The following FRMD3 variants were observed in gnomAD, a reference collection of about 807,000 sequenced individuals.
FRMD3 encodes FERM domain containing 3, also known as FERM domain-containing protein 3.
A neutral mutation model predicts 70.2 loss-of-function variants in FRMD3; 33 were observed. The ratio of observed to expected loss-of-function variants is 0.47; its 90% CI spans 0.36 to 0.63. The LOEUF (loss-of-function observed/expected upper bound fraction) is 0.63. Ranked by LOEUF, FRMD3 falls within the 20% of genes least tolerant of loss-of-function variation. The pLI, the probability that FRMD3 is intolerant of heterozygous loss-of-function variation, is 0.00. For synonymous variants in FRMD3, 279 were observed against 255.9 expected, an observed-to-expected ratio of 1.09 and a Z score of -0.86; for missense variants, 632 against 711.4, an observed-to-expected ratio of 0.89 and a Z score of 1.27.
chr9:83,291,567 GTCTCTC>G (rs113797673), intron 12 of FRMD3, among the ~76,000 whole-genome samples: 3 of 149,564 alleles, frequency 2.0e-5, no homozygotes, highest in Admixed American at 6.7e-5. Flanking sequence ...AATGCACACA[GTCTCTC>G]TCTCTCTCTC....
At chr9:83,398,061 A>G (rs973136976) in intron 1 of FRMD3, among the ~76,000 whole-genome samples, 1 of 152,198 alleles carries the variant, frequency 6.6e-6, no homozygotes, top group Non-Finnish European at 1.5e-5. Context: ...GCATTTATTA[A>G]TATAAGAAAG....
intron 1 of FRMD3, among the ~76,000 whole-genome samples, chr9:83,443,365 C>T (rs911278366): frequency 6.6e-6 from 1 of 152,288 alleles, no homozygotes; most frequent in Admixed American, 6.5e-5. Flanking sequence ...TGTTCAATTC[C>T]CACCTATGAG....
intron 1 of FRMD3, among the ~76,000 whole-genome samples, chr9:83,460,708 C>A (rs765366385): frequency 1.3e-5 from 2 of 152,176 alleles, no homozygotes; most frequent in African/African-American, 4.8e-5. Flanking sequence ...CAAAAAGGTA[C>A]ATTCAGAAAA....
chr9:83,400,688 T>C (rs1200536776), intron 1 of FRMD3, among the ~76,000 whole-genome samples: 1 of 152,050 alleles, frequency 6.6e-6, no homozygotes, highest in African/African-American at 2.4e-5. Flanking sequence ...AATAGGCAAA[T>C]AGAAAAATGA....
intron 1 of FRMD3, among the ~76,000 whole-genome samples, chr9:83,480,495 GA>G (rs1828541382): frequency 8.7e-6 from 1 of 115,274 alleles, no homozygotes; most frequent in Admixed American, 9.2e-5. Flanking sequence ...GTAAACTAGA[GA>G]TTTTTTTTTT....
chr9:83,503,475 C>G (rs924887600), intron 1 of FRMD3, among the ~76,000 whole-genome samples: 1 of 152,178 alleles, frequency 6.6e-6, no homozygotes, highest in Non-Finnish European at 1.5e-5. Context: ...CTACCACCAA[C>G]CTGAACAACC....
intron 5 of FRMD3, among the ~76,000 whole-genome samples, chr9:83,342,718 AG>A (rs1823810657): frequency 6.8e-6 from 1 of 147,706 alleles, no homozygotes; most frequent in Non-Finnish European, 1.5e-5. Context: ...ATAGATAGAT[AG>A]ATAGATAGAT....
chr9:83,351,989 C>T (rs1373628215), intron 3 of FRMD3, among the ~76,000 whole-genome samples: 2 of 152,136 alleles, frequency 1.3e-5, no homozygotes, highest in African/African-American at 2.4e-5. Flanking sequence ...CCTCACTTAA[C>T]GCTATATCCT....
At chr9:83,459,507 G>A (rs916438717) in intron 1 of FRMD3, among the ~76,000 whole-genome samples, 1 of 152,198 alleles carries the variant, frequency 6.6e-6, no homozygotes. Context: ...CCCCAGGGGC[G>A]TCCCCAAGAC....
the FRMD3 span, among the ~76,000 whole-genome samples, chr9:83,558,896 G>A: frequency 1.3e-5 from 2 of 152,330 alleles, no homozygotes; most frequent in East Asian, 3.9e-4. Context: ...AGAATCAGAA[G>A]TGGAGCCTGG....
Position 83,305,352 on chromosome 9 carries a change from A to G in FRMD3, c.926+4184T>C, listed in dbSNP as rs183135894. On this transcript the variant is annotated intron_variant, in intron 10 of 13. Coordinates refer to ENST00000304195, the MANE Select transcript of FRMD3 (RefSeq NM_174938.6). ...AGTAATACAGCAGCAGCTTCTGCTCATCAATGGTTCATATGCCTGGCAGAA... is the reference window on the plus strand; with the variant it reads ...AGTAATACAGCAGCAGCTTCTGCTCGTCAATGGTTCATATGCCTGGCAGAA... Among the ~76,000 whole-genome samples, 176 of 152,336 alleles carry G rather than the reference A, an allele frequency of 1.2e-3. 1 individual carries two copies. Among genetic ancestry groups the G allele is most frequent in the African/African-American group, 4.0e-3 (167 of 41,582 alleles).
intron 12 of FRMD3, chr9:83,297,457 G>A (rs1311204625): frequency 4.5e-6 from 1 of 220,526 alleles, no homozygotes; most frequent in Non-Finnish European, 9.3e-6. Context: ...TAACTTGTGT[G>A]AGACTCAAGT....
intron 1 of FRMD3, among the ~76,000 whole-genome samples, chr9:83,520,239 C>A (rs562100066): frequency 9.8e-5 from 15 of 152,318 alleles, no homozygotes; most frequent in African/African-American, 3.6e-4. Context: ...ACTTCAGATG[C>A]TCCCTGAGAA....
At chr9:83,306,455 C>T (rs1037359798) in intron 10 of FRMD3, among the ~76,000 whole-genome samples, 1 of 152,178 alleles carries the variant, frequency 6.6e-6, no homozygotes, top group East Asian at 1.9e-4. Flanking sequence ...CACTCATGTC[C>T]CACAAAATGC....
At chr9:83,272,883 G>A (rs1833637308) in intron 13 of FRMD3, among the ~76,000 whole-genome samples, 1 of 150,562 alleles carries the variant, frequency 6.6e-6, no homozygotes, top group African/African-American at 2.5e-5. Flanking sequence ...CGTCCGAGAA[G>A]TGAGGAGCCC....
At chr9:83,499,461 C>A (rs1829015154) in intron 1 of FRMD3, among the ~76,000 whole-genome samples, 1 of 152,070 alleles carries the variant, frequency 6.6e-6, no homozygotes, top group South Asian at 2.1e-4. Context: ...CGTGTGGGAC[C>A]CAGAAACAGA....
intron 1 of FRMD3, among the ~76,000 whole-genome samples, chr9:83,452,412 T>A (rs1320085795): frequency 2.6e-5 from 4 of 152,052 alleles, no homozygotes; most frequent in African/African-American, 9.7e-5. Flanking sequence ...TAATTTCAAA[T>A]CCTCCTGGTT....
chr9:83,351,637 T>A (rs933923082), intron 3 of FRMD3, among the ~76,000 whole-genome samples: 1 of 152,058 alleles, frequency 6.6e-6, no homozygotes, highest in African/African-American at 2.4e-5. Flanking sequence ...TAAAGTACCA[T>A]CTTTAATAGA....
intron 1 of FRMD3, among the ~76,000 whole-genome samples, chr9:83,421,279 T>C (rs1159603522): frequency 2.0e-5 from 3 of 152,156 alleles, no homozygotes; most frequent in African/African-American, 7.2e-5. Context: ...CCTCAGGTAT[T>C]CCTTTATAGC....
Sources: allele counts gnomAD v4.1 joint callset (sites outside exome capture counted in the v4.1 genomes callset), GRCh38; gene constraint gnomAD v4.1.1; transcripts MANE v1.5; gene names NCBI Gene and HGNC (gene_info 2026-07-23, HGNC 2026-07-21).